NSUN3: variants seen among roughly 807,000 people sequenced by gnomAD.
NSUN3 encodes NOP2/Sun RNA methyltransferase 3.
In NSUN3, 24 loss-of-function variants were observed where a neutral mutation model predicts 36.8. The observed-to-expected ratio is 0.65, with a 90% CI of 0.47 to 0.92. The LOEUF is 0.92. Among genes scored for constraint, NSUN3 ranks in the 40% least tolerant of loss-of-function variants. The pLI is 0.00. For missense variants in NSUN3, 381 were observed against 392.8 expected (o/e 0.97, Z 0.25); for synonymous variants, 146 against 145.2 (o/e 1.01, Z -0.04).
At chr3:94,083,674 T>C (rs1315409387) in intron 2 of NSUN3, among the ~76,000 whole-genome samples, 1 of 152,216 alleles carries the variant, frequency 6.6e-6, no homozygotes, top group Non-Finnish European at 1.5e-5. Context: ...CCATTTGCCA[T>C]GCAGAAAATG....
intron 5 of NSUN3, among the ~76,000 whole-genome samples, chr3:94,103,892 GT>G (rs1194181011): frequency 6.6e-6 from 1 of 152,068 alleles, no homozygotes; most frequent in Non-Finnish European, 1.5e-5. Flanking sequence ...ATCCATTTCT[GT>G]TTTGATTTCC....
Position 94,084,158 on chromosome 3 carries a change from A to G in NSUN3, c.174A>G (p.Arg58=). ...SCWQYAVLLN[R]FNYPFELEKD... is the part of the protein sequence containing the mutation. ...GGCAATATGCTGTCCTGCTTAACCG[A>G]TTCAATTATCCTTTTGAACTGGAAA... The change falls in exon 3 of 6, where the codon CGA becomes CGG. Residue 58 remains arginine (R), a synonymous_variant. Coordinates refer to ENST00000314622, the MANE Select transcript of NSUN3 (RefSeq NM_022072.5). 1 of 1,614,140 alleles carries G rather than the reference A, an allele frequency of 6.2e-7. No homozygotes were observed. The highest frequency in any genetic ancestry group is 8.5e-7 in the Non-Finnish European group (1 of 1,180,020).
At chr3:94,070,411 T>C (rs917872836) in intron 2 of NSUN3, among the ~76,000 whole-genome samples, 12 of 152,084 alleles carry the variant, frequency 7.9e-5, no homozygotes, top group Non-Finnish European at 8.8e-5. Context: ...CACTGAGCCA[T>C]GATCGCACAG....
chr3:94,111,817 C>CT (rs140158512), intron 5 of NSUN3, among the ~76,000 whole-genome samples: 107 of 144,066 alleles, frequency 7.4e-4, no homozygotes, highest in African/African-American at 8.6e-4. Context: ...TTACAGTTAC[C>CT]TTTTTTTTTT....
At chr3:94,093,590 G>GC (rs941961767) in intron 3 of NSUN3, among the ~76,000 whole-genome samples, 9 of 147,798 alleles carry the variant, frequency 6.1e-5, no homozygotes, top group African/African-American at 1.8e-4. Context: ...TCTTCTGAGT[G>GC]CAGTGATTCT....
At chr3:94,094,680 G>C (rs764501812) in intron 4 of NSUN3, among the ~76,000 whole-genome samples, 13 of 152,150 alleles carry the variant, frequency 8.5e-5, no homozygotes, top group Non-Finnish European at 1.3e-4. Flanking sequence ...AGAAATAAGT[G>C]CTGAGAATTC....
chr3:94,077,327 G>T (rs1341940164), intron 2 of NSUN3, among the ~76,000 whole-genome samples: 1 of 152,216 alleles, frequency 6.6e-6, no homozygotes, highest in Non-Finnish European at 1.5e-5. Flanking sequence ...TGTGCTACTG[G>T]ATTTGGTTTG....
chr3:94,122,143 C>T (rs2107274200), intron 5 of NSUN3, among the ~76,000 whole-genome samples: 1 of 149,004 alleles, frequency 6.7e-6, no homozygotes, highest in Non-Finnish European at 1.5e-5. Flanking sequence ...AAGACTCATC[C>T]CCCCACCTAA....
At chr3:94,096,720 G>A (rs148879805) in intron 5 of NSUN3, among the ~76,000 whole-genome samples, 393 of 152,028 alleles carry the variant, frequency 2.6e-3, no homozygotes, top group African/African-American at 9.2e-3. Flanking sequence ...GGCTGGTCTC[G>A]AACTCCTGAC....
chr3:94,114,835 C>A (rs545958367), intron 5 of NSUN3, among the ~76,000 whole-genome samples: 82 of 152,154 alleles, frequency 5.4e-4, no homozygotes, highest in Non-Finnish European at 2.8e-4. Flanking sequence ...CAATGTTTAG[C>A]TCCCATTTAT....
chr3:94,097,413 C>G (rs2077346992), intron 5 of NSUN3, among the ~76,000 whole-genome samples: 1 of 151,044 alleles, frequency 6.6e-6, no homozygotes, highest in Non-Finnish European at 1.5e-5. Flanking sequence ...TGTAGATCTA[C>G]TTTGTTCTCT....
chr3:94,079,422 G>A (rs1046780019), intron 2 of NSUN3, among the ~76,000 whole-genome samples: 4 of 151,994 alleles, frequency 2.6e-5, no homozygotes, highest in Non-Finnish European at 5.9e-5. Flanking sequence ...TGCTCTTCTC[G>A]AGGAGTATCT....
rs569064407 is a variant in NSUN3 at position 94,114,940 on chromosome 3, G to GTTTC, written c.744-11263_744-11260dup. ...CATCCATGTTGCTGCAAAGGACATGGTTTCTTTCTTTTTTTTTTCTTGCTG... is the reference window on the plus strand; with the variant it reads ...CATCCATGTTGCTGCAAAGGACATGGTTTCTTTCTTTCTTTTTTTTTTCTTGCTG... On this transcript the variant is annotated intron_variant, in intron 5 of 5. Coordinates refer to ENST00000314622, the MANE Select transcript of NSUN3 (RefSeq NM_022072.5). Among the ~76,000 whole-genome samples, 790 of 152,052 alleles carry GTTTC rather than the reference G, an allele frequency of 5.2e-3. 8 individuals are homozygous for GTTTC. The highest frequency in any genetic ancestry group is 0.017 in the African/African-American group (720 of 41,502).
At chr3:94,076,608 C>A in intron 2 of NSUN3, 1 of 901,948 alleles carries the variant, frequency 1.1e-6, no homozygotes, top group Non-Finnish European at 1.9e-6. Context: ...AGTAAGTGCC[C>A]ACTGAGATTT....
intron 2 of NSUN3, chr3:94,076,722 T>G (rs1470486298): frequency 7.3e-7 from 1 of 1,365,974 alleles, no homozygotes; most frequent in Non-Finnish European, 1.0e-6. Flanking sequence ...TAGTCCAAGA[T>G]AAGAACATCA....
rs1353888417 is a variant in NSUN3, at chr3:94,127,367, C to G, written c.*877C>G. 2.0e-5 allele frequency: 3 copies of G among 152,102 alleles called. No homozygotes were observed. The highest frequency in any genetic ancestry group is 7.2e-5 in the African/African-American group (3 of 41,420). 9.4% of individuals were successfully genotyped at this position (152,102 alleles called of 1,614,324 possible). On this transcript the variant is annotated 3_prime_UTR_variant, in exon 6 of 6. Coordinates refer to ENST00000314622, the MANE Select transcript of NSUN3 (RefSeq NM_022072.5). ...ATCTTACATTCACAATCTGGAGGGG[C>G]TTTTTATTTCACTTTGTTATAAAAT...
Position 94,111,555 on chromosome 3 carries a change from A to G in NSUN3, c.744-14656A>G, listed in dbSNP as rs148177584. 6.3e-4 allele frequency among the ~76,000 whole-genome samples: 96 copies of G among 152,228 alleles called. 1 individual carries two copies. The highest frequency in any genetic ancestry group is 1.1e-3 in the Non-Finnish European group (75 of 68,014). On this transcript the variant is annotated intron_variant, in intron 5 of 5. Coordinates refer to ENST00000314622, the MANE Select transcript of NSUN3 (RefSeq NM_022072.5). ...TTTTCTTTCTTTATATCCTTATTCT[A>G]TAAGTTTTTTTCTATTTTTAAATTT...
intron 2 of NSUN3, among the ~76,000 whole-genome samples, chr3:94,071,279 A>T (rs139569997): frequency 6.6e-6 from 1 of 152,354 alleles, no homozygotes; most frequent in East Asian, 1.9e-4. Flanking sequence ...GGAAAAACAA[A>T]TTTAGTACAT....
chr3:94,107,371 T>G (rs2077394204), intron 5 of NSUN3, among the ~76,000 whole-genome samples: 1 of 152,138 alleles, frequency 6.6e-6, no homozygotes, highest in Non-Finnish European at 1.5e-5. Flanking sequence ...TCATGCCGCC[T>G]TGACCTCCTG....
Sources: allele counts gnomAD v4.1 joint callset (sites outside exome capture counted in the v4.1 genomes callset), GRCh38; gene constraint gnomAD v4.1.1; transcripts MANE v1.5; gene names NCBI Gene and HGNC (gene_info 2026-07-23, HGNC 2026-07-21).